RNASEH2A: variants seen among roughly 807,000 people sequenced by gnomAD.
RNASEH2A encodes the protein RNase H(35).
In RNASEH2A, 30 loss-of-function variants were observed where a neutral mutation model predicts 32.7. That is an observed-to-expected ratio of 0.92 (90% CI 0.69 to 1.25). The LOEUF (loss-of-function observed/expected upper bound fraction) is 1.25, where lower values mean the gene tolerates loss of function less well. Ranked by LOEUF, RNASEH2A falls within the 50% of genes most tolerant of loss-of-function variation. The pLI, the probability that RNASEH2A is intolerant of heterozygous loss-of-function variation, is 0.00. For synonymous variants in RNASEH2A, 147 were observed against 165.4 expected (o/e 0.89, Z 0.86); for missense variants, 409 against 398.1 (o/e 1.03, Z -0.23).
At position 12,813,393 on chromosome 19, in the gene RNASEH2A, G is replaced by T; in HGVS notation, c.827G>T (p.Gly276Val). The change falls in exon 8 of 8, where the codon GGG becomes GTG. Residue 276 changes from glycine to valine, a missense_variant. Transcript: ENST00000221486. ...ATCACATCCTACTTCCTCAATGAAG[G>T]GTCCCAAGCCCGTCCCCGTTCTTCC... Reference protein sequence around the residue: ...RKITSYFLNEGSQARPRSSHR... With the variant: ...RKITSYFLNEVSQARPRSSHR... 1 of 1,614,108 alleles carries T rather than the reference G, an allele frequency of 6.2e-7. No individual in the cohort carries two copies. Among genetic ancestry groups the T allele is most frequent in the East Asian group, 2.2e-5 (1 of 44,878 alleles).
At chr19:12,813,228 G>A (rs774182969) in intron 7 of RNASEH2A, 22 bp downstream of exon 7, 1 of 1,613,958 alleles carries the variant, frequency 6.2e-7, no homozygotes, top group South Asian at 1.1e-5. Flanking sequence ...GGATGTCCTG[G>A]GGGTGCTATA....
chr19:12,812,857 T>C (rs1969093165), intron 6 of RNASEH2A, among the ~76,000 whole-genome samples: 1 of 151,792 alleles, frequency 6.6e-6, no homozygotes, highest in Non-Finnish European at 1.5e-5. Context: ...ACACAAAATT[T>C]AGCTGGGCAT....
At chr19:12,810,267 T>A (rs375813994) in intron 5 of RNASEH2A, 50 bp from the exon 6 acceptor site, 296 of 1,614,022 alleles carry the variant, frequency 1.8e-4, no homozygotes, top group Non-Finnish European at 2.4e-4. Flanking sequence ...GGGCCAGGCA[T>A]GGCCACCAAA....
rs368719908 is a variant in RNASEH2A, at chr19:12,807,346, A to C, written c.323+17A>C. 6.0e-5 allele frequency: 97 copies of C among 1,613,982 alleles called. No individual in the cohort carries two copies. The African/African-American group carries it at 1.2e-3, about 20-fold the overall frequency. ...GCTTGGGCGGTGAGGGGTCCCCGGG[A>C]GGGGCAGCCAGCATGGGCTGACCAA... On this transcript the variant is annotated intron_variant, in intron 3 of 7. Transcript: ENST00000221486.
Position 12,807,418 on chromosome 19 carries a change from G to A in RNASEH2A, c.324-1G>A. The A allele has an allele frequency of 6.2e-7, 1 of 1,614,164 alleles. No homozygotes were observed. The highest frequency in any genetic ancestry group is 8.5e-7 in the Non-Finnish European group (1 of 1,180,030). ...TAACTGGGCTCTGTTCCCCACCACA[G>A]GGTCAAATACAACCTGAACTCCCTG... is the stretch of plus-strand genomic sequence containing the variant. On this transcript the variant is annotated splice_acceptor_variant, in intron 3 of 7. Coordinates refer to ENST00000221486, the MANE Select transcript of RNASEH2A (RefSeq NM_006397.3). LOFTEE classifies it high-confidence loss of function.
chr19:12,813,003 CAAAG>C, intron 6 of RNASEH2A, 76 bp from the exon 7 acceptor site: 1 of 1,596,880 alleles, frequency 6.3e-7, no homozygotes, highest in Non-Finnish European at 8.5e-7. Flanking sequence ...GACTCCATCT[CAAAG>C]AAAAAAAAAA....
rs374411448 is a variant in RNASEH2A, at chr19:12,810,024, T to C, written c.412-47T>C. The stretch of plus-strand genomic sequence containing the variant: ...GTGCCAGGGCTGTGAGGCTAGAGCA[T>C]TGGTACAGTTGTTTGTTCAATTAAT... On this transcript the variant is annotated intron_variant, in intron 4 of 7. Transcript: ENST00000221486. The C allele has an allele frequency of 4.3e-6, 7 of 1,612,170 alleles. No homozygotes were observed. In the African/African-American group the frequency reaches 5.3e-5, roughly 12 times the overall value.
At position 12,813,111 on chromosome 19, in the gene RNASEH2A, G is replaced by T; in HGVS notation, c.666G>T (p.Glu222Asp). The T allele has an allele frequency of 6.2e-7, 1 of 1,614,184 alleles. No individual in the cohort carries two copies. Among genetic ancestry groups the T allele is most frequent in the Non-Finnish European group, 8.5e-7 (1 of 1,180,034 alleles). Residue 222 changes from glutamate to aspartate, a missense_variant, in exon 7 of 8, where the codon GAG becomes GAT. Transcript: ENST00000221486. ...CCAAGACAAAAGCGTGGTTGAAGGAGCACGTGGAGCCTGTGTTCGGCTTCC... is the reference window on the plus strand; with the variant it reads ...CCAAGACAAAAGCGTGGTTGAAGGATCACGTGGAGCCTGTGTTCGGCTTCC... Reference protein sequence around the residue: ...NDPKTKAWLKEHVEPVFGFPQ... With the variant: ...NDPKTKAWLKDHVEPVFGFPQ...
chr19:12,813,012 A>G (rs1218673055), intron 6 of RNASEH2A, 71 bp from the exon 7 acceptor site: 3 of 1,608,418 alleles, frequency 1.9e-6, no homozygotes, highest in African/African-American at 2.7e-5. Flanking sequence ...TCAAAGAAAA[A>G]AAAAAGAGTG....
At chr19:12,811,420 G>A (rs10409084) in intron 6 of RNASEH2A, among the ~76,000 whole-genome samples, 10,063 of 151,200 alleles carry the variant, frequency 0.067, 537 homozygotes, top group African/African-American at 0.15. Flanking sequence ...GACCAGCCTG[G>A]GCAACATAGC....
chr19:12,806,705 C>G lies in RNASEH2A; in HGVS notation c.32C>G (p.Thr11Arg), dbSNP rs373265362. ...CTCAGCGAGCTGGAGAGAGACAATA[C>G]AGGCCGCTGTCGCCTGAGTTCGCCT... MDLSELERDNTGRCRLSSPVP... is the reference protein window; with the variant it reads MDLSELERDNRGRCRLSSPVP... Residue 11 changes from threonine to arginine, a missense_variant, in exon 1 of 8, where the codon ACA becomes AGA. Thr to Arg is a moderately conservative substitution (Grantham distance 71). Coordinates refer to ENST00000221486, the MANE Select transcript of RNASEH2A (RefSeq NM_006397.3). 1 of 1,570,980 alleles carries G rather than the reference C, an allele frequency of 6.4e-7. No individual in the cohort carries two copies. The highest frequency in any genetic ancestry group is 8.6e-7 in the Non-Finnish European group (1 of 1,158,160).
rs564756629 is a variant in RNASEH2A, at chr19:12,808,171, G to T, written c.411+665G>T. On this transcript the variant is annotated intron_variant, in intron 4 of 7. Coordinates refer to ENST00000221486, the MANE Select transcript of RNASEH2A (RefSeq NM_006397.3). ...TGAGGCCGAGGCAGAAGAATTGCTC[G>T]AACCCGGGAGGCGGAGGTTGCAGTG... 2.0e-5 allele frequency among the ~76,000 whole-genome samples: 3 copies of T among 152,220 alleles called. No homozygotes were observed. The South Asian group carries it at 6.2e-4, about 32-fold the overall frequency.
At chr19:12,813,231 G>C in intron 7 of RNASEH2A, 25 bp downstream of exon 7, 1 of 1,613,948 alleles carries the variant, frequency 6.2e-7, no homozygotes, top group South Asian at 1.1e-5. Flanking sequence ...TGTCCTGGGG[G>C]TGCTATAGGG....
At chr19:12,807,122 G>T (rs1969005037) in intron 2 of RNASEH2A, 43 bp downstream of exon 2, 1 of 1,614,042 alleles carries the variant, frequency 6.2e-7, no homozygotes, top group South Asian at 1.1e-5. Flanking sequence ...TCCTGGGTAT[G>T]TGCAGGGGCA....
intron 6 of RNASEH2A, 53 bp from the exon 7 acceptor site, chr19:12,813,030 G>A: frequency 6.2e-7 from 1 of 1,610,004 alleles, no homozygotes; most frequent in East Asian, 2.2e-5. Context: ...GTGGCAGGGA[G>A]CTTGAATGTT....
At position 12,810,118 on chromosome 19, in the gene RNASEH2A, G is replaced by C. The variant is rs1400237165; in HGVS notation, c.459G>C (p.Leu153=). ...TGCCAGAGACATACCAGGCGCGGCT[G>C]CAGCAAAGTTTTCCCGGGATTGAGG... The part of the protein sequence containing the change: ...VGMPETYQAR[L]QQSFPGIEVT... The change falls in exon 5 of 8, where the codon CTG becomes CTC. Residue 153 remains leucine, a synonymous_variant. Coordinates refer to ENST00000221486, the MANE Select transcript of RNASEH2A (RefSeq NM_006397.3). 1 of 1,614,224 alleles carries C rather than the reference G, an allele frequency of 6.2e-7. No individual in the cohort carries two copies. Among genetic ancestry groups the C allele is most frequent in the South Asian group, 1.1e-5 (1 of 91,086 alleles).
chr19:12,806,761 G>C lies in RNASEH2A; in HGVS notation c.88G>C (p.Val30Leu). The C allele has an allele frequency of 6.3e-7, 1 of 1,575,668 alleles. No individual in the cohort carries two copies. The highest frequency in any genetic ancestry group is 8.6e-7 in the Non-Finnish European group (1 of 1,160,504). ...CGCGGTGTGCCGCAAGGAGCCTTGC[G>C]TCCTGGGCGTCGATGAGGCGGGCAG... ...VPAVCRKEPC[V>L]LGVDEAGRGP... Residue 30 changes from valine (V) to leucine (L), a missense_variant, in exon 1 of 8, where the codon GTC (valine) becomes CTC (leucine). Coordinates refer to ENST00000221486, the MANE Select transcript of RNASEH2A (RefSeq NM_006397.3).
intron 4 of RNASEH2A, among the ~76,000 whole-genome samples, chr19:12,809,331 CCT>C (rs1196030781): frequency 6.6e-6 from 1 of 152,174 alleles, no homozygotes; most frequent in Non-Finnish European, 1.5e-5. Context: ...GCTCTTGGAC[CCT>C]CTCTTCGGTG....
At position 12,813,478 on chromosome 19, in the gene RNASEH2A, A is replaced by G; in HGVS notation, c.*12A>G. On this transcript the variant is annotated 3_prime_UTR_variant, in exon 8 of 8. Coordinates refer to ENST00000221486, the MANE Select transcript of RNASEH2A (RefSeq NM_006397.3). ...CAACCAGCCTCTAGCAGCTGCCTCT[A>G]CGCGCTCTACCTGCTTCCCCAACCC... The G allele has an allele frequency of 2.5e-6, 4 of 1,612,380 alleles. No homozygotes were observed. The highest frequency in any genetic ancestry group is 3.4e-6 in the Non-Finnish European group (4 of 1,179,994).
Sources: allele counts gnomAD v4.1 joint callset (sites outside exome capture counted in the v4.1 genomes callset), GRCh38; gene constraint gnomAD v4.1.1; transcripts MANE v1.5; gene names NCBI Gene and HGNC (gene_info 2026-07-23, HGNC 2026-07-21).